The following ACBD6 variants were observed in gnomAD, a reference collection of about 807,000 sequenced individuals.
ACBD6 encodes the protein acyl-CoA-binding domain-containing protein 6.
In ACBD6, 28 loss-of-function variants were observed where a neutral mutation model predicts 37.2. The observed-to-expected ratio is 0.75, with a 90% CI of 0.56 to 1.03. ACBD6 has a LOEUF of 1.03. ACBD6 is among the 50% of genes least tolerant of loss of function. The probability of loss-of-function intolerance (pLI) is 0.00; values close to 1 mark genes in which losing one functional copy is unlikely to be tolerated. For missense variants in ACBD6, 340 were observed against 337.4 expected (o/e 1.01, Z -0.06); for synonymous variants, 113 against 126.8 (o/e 0.89, Z 0.73).
chr1:180,361,981 A>G (rs1652872208), intron 6 of ACBD6, among the ~76,000 whole-genome samples: 1 of 152,150 alleles, frequency 6.6e-6, no homozygotes, highest in Admixed American at 6.5e-5. Context: ...ACAATAGGGA[A>G]CTTTTAAAAA....
chr1:180,394,702 T>C (rs1215141420), intron 6 of ACBD6, among the ~76,000 whole-genome samples: 2 of 152,164 alleles, frequency 1.3e-5, no homozygotes, highest in Admixed American at 6.6e-5. Flanking sequence ...CAAATTGCTA[T>C]AGAAAAGATA....
intron 6 of ACBD6, among the ~76,000 whole-genome samples, chr1:180,385,222 A>G (rs1653806725): frequency 6.6e-6 from 1 of 151,860 alleles, no homozygotes; most frequent in Non-Finnish European, 1.5e-5. Context: ...CTATACATGC[A>G]ACAAAATACT....
At chr1:180,354,024 C>A (rs1384110884) in intron 6 of ACBD6, among the ~76,000 whole-genome samples, 1 of 152,140 alleles carries the variant, frequency 6.6e-6, no homozygotes, top group Non-Finnish European at 1.5e-5. Flanking sequence ...ATTTAAGGAG[C>A]AGGATAAATG....
At chr1:180,337,301 C>T (rs1223821445) in intron 6 of ACBD6, among the ~76,000 whole-genome samples, 1 of 152,040 alleles carries the variant, frequency 6.6e-6, no homozygotes. Flanking sequence ...AAAGCTTATC[C>T]ACTGTGATCA....
intron 3 of ACBD6, among the ~76,000 whole-genome samples, chr1:180,454,178 G>A (rs1169689287): frequency 2.0e-5 from 3 of 152,150 alleles, no homozygotes; most frequent in Admixed American, 1.3e-4. Context: ...AAAACAGAGA[G>A]ACAGACCAAT....
intron 7 of ACBD6, among the ~76,000 whole-genome samples, chr1:180,296,450 G>T (rs1357146307): frequency 2.0e-5 from 3 of 152,038 alleles, no homozygotes; most frequent in Non-Finnish European, 4.4e-5. Flanking sequence ...TTTTCTATTA[G>T]ACAGAGTTTC....
At chr1:180,274,318 T>TG in intron 10 of ACBD6, 10 of 1,614,234 alleles carry the variant, frequency 6.2e-6, no homozygotes, top group Non-Finnish European at 7.6e-6. Context: ...ACTTGAGGGA[T>TG]GGGAGCCCCT....
intron 6 of ACBD6, among the ~76,000 whole-genome samples, chr1:180,374,495 G>C (rs902233088): frequency 1.3e-5 from 2 of 152,166 alleles, no homozygotes; most frequent in African/African-American, 2.4e-5. Flanking sequence ...AAGGCTAAGA[G>C]TGTTTTCACA....
intron 3 of ACBD6, among the ~76,000 whole-genome samples, chr1:180,489,006 T>C (rs1036157138): frequency 3.3e-5 from 5 of 152,066 alleles, no homozygotes; most frequent in Non-Finnish European, 7.4e-5. Context: ...AGACAATACA[T>C]GTAAAGAACT....
chr1:180,283,018 G>T (rs1334418170), intron 8 of ACBD6, among the ~76,000 whole-genome samples: 4 of 140,264 alleles, frequency 2.9e-5, no homozygotes, highest in Non-Finnish European at 6.1e-5. Context: ...CTCACAAACG[G>T]AGCTAAAGTG....
At chr1:180,485,074 CAAA>C (rs61286766) in intron 3 of ACBD6, among the ~76,000 whole-genome samples, 1 of 92,188 alleles carries the variant, frequency 1.1e-5, no homozygotes, top group African/African-American at 4.0e-5. Flanking sequence ...GACTCTGTCT[CAAA>C]AAAAAAAAAA....
chr1:180,440,854 C>G (rs1473833557), intron 3 of ACBD6, among the ~76,000 whole-genome samples: 1 of 152,196 alleles, frequency 6.6e-6, no homozygotes, highest in Admixed American at 6.5e-5. Flanking sequence ...TTTCAAGGCT[C>G]ATCTATATTA....
intron 6 of ACBD6, among the ~76,000 whole-genome samples, chr1:180,340,760 T>C (rs748720655): frequency 7.2e-5 from 11 of 151,952 alleles, no homozygotes; most frequent in African/African-American, 9.7e-5. Flanking sequence ...TCATCCACAC[T>C]AATACAAAGG....
intron 3 of ACBD6, chr1:180,434,973 T>A (rs931839851): frequency 9.3e-6 from 8 of 860,090 alleles, no homozygotes; most frequent in Non-Finnish European, 1.6e-5. Context: ...GTAAACCAAG[T>A]ACAGATGGAC....
In ACBD6 at chr1:180,502,441, C is replaced by G; in HGVS notation, c.-175G>C. ...CCCTGCTCCCTGCCCACTTCTACTC[C>G]CTGGGCGTGCAGAGCAGGCTCCTCG... On this transcript the variant is annotated 5_prime_UTR_variant, in exon 1 of 8. Transcript: ENST00000367595. 1.4e-6 allele frequency: 1 copy of G among 707,364 alleles called. No individual in the cohort carries two copies. Among genetic ancestry groups the G allele is most frequent in the Non-Finnish European group, 2.5e-6 (1 of 402,362 alleles). 43.8% of individuals were successfully genotyped at this position (707,364 alleles called of 1,614,324 possible).
At chr1:180,379,008 T>A (rs559507413) in intron 6 of ACBD6, among the ~76,000 whole-genome samples, 11 of 152,180 alleles carry the variant, frequency 7.2e-5, no homozygotes, top group Non-Finnish European at 1.5e-4. Context: ...AGCCTACAAG[T>A]CAGCCTGCCT....
At chr1:180,357,033 C>A (rs987848428) in intron 6 of ACBD6, among the ~76,000 whole-genome samples, 1 of 152,110 alleles carries the variant, frequency 6.6e-6, no homozygotes, top group Admixed American at 6.6e-5. Context: ...AAAAGCTCAA[C>A]TAACACCAAT....
At chr1:180,474,445 T>G (rs1434108764) in intron 3 of ACBD6, among the ~76,000 whole-genome samples, 2 of 148,674 alleles carry the variant, frequency 1.3e-5, no homozygotes, top group African/African-American at 5.1e-5. Flanking sequence ...AAAATATATC[T>G]GAAAAGCTAA....
chr1:180,338,670 T>A lies in ACBD6; in HGVS notation c.664-23948A>T, dbSNP rs142983301. ...TGGCAATGGCAACAAAAGCCAAAATTGACAAATGGGATCTAATTAAAAACT... is the reference window on the plus strand; with the variant it reads ...TGGCAATGGCAACAAAAGCCAAAATAGACAAATGGGATCTAATTAAAAACT... On this transcript the variant is annotated intron_variant, in intron 6 of 7. Transcript: ENST00000367595. 6.7e-3 allele frequency among the ~76,000 whole-genome samples: 1,017 copies of A among 152,102 alleles called. 17 individuals are homozygous for A. The highest frequency in any genetic ancestry group is 0.023 in the African/African-American group (971 of 41,506).
Sources: allele counts gnomAD v4.1 joint callset (sites outside exome capture counted in the v4.1 genomes callset), GRCh38; gene constraint gnomAD v4.1.1; transcripts MANE v1.5; gene names NCBI Gene and HGNC (gene_info 2026-07-23, HGNC 2026-07-21).